NR3C1: variants seen among roughly 807,000 people sequenced by gnomAD.
The protein encoded by NR3C1 is glucocorticoid receptor.
NR3C1 carries 14 observed loss-of-function variants against 74.0 expected under a neutral mutation model. The ratio of observed to expected loss-of-function variants is 0.19; its 90% confidence interval spans 0.12 to 0.30. The LOEUF (loss-of-function observed/expected upper bound fraction) is 0.30, where lower values mean the gene tolerates loss of function less well. Among genes scored for constraint, NR3C1 ranks in the 10% least tolerant of loss-of-function variants. The probability of loss-of-function intolerance (pLI) is 1.00; values close to 1 mark genes in which losing one functional copy is unlikely to be tolerated. For missense variants in NR3C1, 695 were observed against 909.8 expected, an observed-to-expected ratio of 0.76 and a Z score of 3.04; for synonymous variants, 308 against 332.5, an observed-to-expected ratio of 0.93 and a Z score of 0.80.
At chr5:143,370,351 T>G (rs1834028317) in intron 2 of NR3C1, among the ~76,000 whole-genome samples, 1 of 152,206 alleles carries the variant, frequency 6.6e-6, no homozygotes, top group South Asian at 2.1e-4. Flanking sequence ...AACCTACTTT[T>G]TGTTTATTTA....
chr5:143,313,397 G>T (rs145067384), intron 3 of NR3C1, among the ~76,000 whole-genome samples: 1 of 152,072 alleles, frequency 6.6e-6, no homozygotes, highest in Non-Finnish European at 1.5e-5. Context: ...TCCTCAGGCC[G>T]AGTTTCTCTC....
intron 4 of NR3C1, among the ~76,000 whole-genome samples, chr5:143,305,633 TA>T (rs1426029837): frequency 6.6e-6 from 1 of 152,096 alleles, no homozygotes; most frequent in East Asian, 1.9e-4. Flanking sequence ...CTACATGAAC[TA>T]ATGCAGAAAA....
At chr5:143,330,006 C>T (rs1825638504) in intron 2 of NR3C1, among the ~76,000 whole-genome samples, 2 of 152,092 alleles carry the variant, frequency 1.3e-5, no homozygotes, top group Non-Finnish European at 2.9e-5. Context: ...TTCACAATAA[C>T]AGAGTGATGT....
chr5:143,399,554 C>T (rs1839849138), intron 2 of NR3C1, 102 bp downstream of exon 2: 2 of 940,600 alleles, frequency 2.1e-6, no homozygotes. Flanking sequence ...TATAAAAAAG[C>T]ACATGAATCT....
At chr5:143,302,766 T>G (rs1399369484) in intron 4 of NR3C1, among the ~76,000 whole-genome samples, 1 of 152,070 alleles carries the variant, frequency 6.6e-6, no homozygotes, top group East Asian at 1.9e-4. Flanking sequence ...TTTTTCAAAA[T>G]ATCTTCAGGA....
chr5:143,356,515 A>C (rs1831171309), intron 2 of NR3C1, among the ~76,000 whole-genome samples: 1 of 152,074 alleles, frequency 6.6e-6, no homozygotes, highest in Non-Finnish European at 1.5e-5. Flanking sequence ...AATATTTAAT[A>C]CTTTCTTTGG....
At chr5:143,345,942 T>C (rs908185654) in intron 2 of NR3C1, among the ~76,000 whole-genome samples, 10 of 152,328 alleles carry the variant, frequency 6.6e-5, no homozygotes, top group South Asian at 2.1e-4. Flanking sequence ...GTTGTTTTGC[T>C]TAAGGTCACA....
At chr5:143,311,564 AACTAGTATTC>A (rs1352148253) in intron 3 of NR3C1, among the ~76,000 whole-genome samples, 1 of 152,218 alleles carries the variant, frequency 6.6e-6, no homozygotes, top group Non-Finnish European at 1.5e-5. Flanking sequence ...GAGGAGTTTT[AACTAGTATTC>A]ACTATTTCAT....
At chr5:143,372,628 T>C (rs567045489) in intron 2 of NR3C1, among the ~76,000 whole-genome samples, 1 of 152,248 alleles carries the variant, frequency 6.6e-6, no homozygotes, top group East Asian at 1.9e-4. Flanking sequence ...TTTGCAAGGG[T>C]TCCCTGTGTT....
rs370563087 is a variant in NR3C1 at position 143,340,269 on chromosome 5, T to C, written c.1185-26101A>G. Among the ~76,000 whole-genome samples the C allele has an allele frequency of 1.3e-4, 20 of 152,208 alleles. 1 individual carries two copies. The East Asian group carries it at 3.3e-3, about 25-fold the overall frequency. On this transcript the variant is annotated intron_variant, in intron 2 of 8. Coordinates refer to ENST00000394464, the MANE Select transcript of NR3C1 (RefSeq NM_000176.3). ...TGTTCCTGGATTGGAAGACTCAATATAGACTCAATCCCCAAATTGAAGTCT... is the reference window on the plus strand; with the variant it reads ...TGTTCCTGGATTGGAAGACTCAATACAGACTCAATCCCCAAATTGAAGTCT...
chr5:143,306,234 T>TA (rs796846508), intron 4 of NR3C1, among the ~76,000 whole-genome samples: 5 of 152,252 alleles, frequency 3.3e-5, no homozygotes, highest in African/African-American at 1.2e-4. Context: ...AGTATAAAAA[T>TA]ACACCACTTG....
At chr5:143,422,708 A>G (rs1437210061) in intron 1 of NR3C1, among the ~76,000 whole-genome samples, 2 of 152,200 alleles carry the variant, frequency 1.3e-5, no homozygotes, top group African/African-American at 4.8e-5. Context: ...TGCCTTGATC[A>G]TGGACTTCCC....
intron 3 of NR3C1, among the ~76,000 whole-genome samples, chr5:143,311,330 G>A: frequency 6.6e-6 from 1 of 152,154 alleles, no homozygotes; most frequent in Non-Finnish European, 1.5e-5. Flanking sequence ...ATCACCCACT[G>A]CTAAAAATGA....
At chr5:143,326,291 GTCTTAAGGTAA>G (rs751355898) in intron 2 of NR3C1, among the ~76,000 whole-genome samples, 19 of 152,208 alleles carry the variant, frequency 1.2e-4, no homozygotes, top group Admixed American at 7.9e-4. Flanking sequence ...TTAACAGACA[GTCTTAAGGTAA>G]GGTTAAACAT....
At chr5:143,409,354 T>C (rs1841220243) in intron 1 of NR3C1, 1 of 152,250 alleles carries the variant, frequency 6.6e-6, no homozygotes, top group Non-Finnish European at 1.5e-5. Context: ...CTATAGTCCG[T>C]GATTCTTTGT....
At chr5:143,405,143 C>G (rs1025562667), upstream of NR3C1, 3 of 985,480 alleles carry the variant, frequency 3.0e-6, no homozygotes, top group Non-Finnish European at 3.6e-6. Context: ...GGGACCGAGC[C>G]TCCTACCTTG....
chr5:143,366,536 T>C (rs1171962920), intron 2 of NR3C1, among the ~76,000 whole-genome samples: 1 of 147,606 alleles, frequency 6.8e-6, no homozygotes, highest in Non-Finnish European at 1.5e-5. Flanking sequence ...GCTGTTCCCC[T>C]GAAAACGGAC....
In NR3C1 at chr5:143,280,181, A is replaced by AC. The variant is rs1358500786; in HGVS notation, c.*1707dup. On this transcript the variant is annotated 3_prime_UTR_variant, in exon 9 of 9. Coordinates refer to ENST00000394464, the MANE Select transcript of NR3C1 (RefSeq NM_000176.3). Reference sequence around the variant, plus strand: ...TAGGTTATCCATCAGCATTTCTTTGACCCCTACAAAAAATATATAACATGT... The same window carrying AC: ...TAGGTTATCCATCAGCATTTCTTTGACCCCCTACAAAAAATATATAACATGT... The AC allele has an allele frequency of 6.6e-6, 1 of 152,536 alleles. No homozygotes were observed. The highest frequency in any genetic ancestry group is 2.4e-5 in the African/African-American group (1 of 41,420). 9.4% of individuals were successfully genotyped at this position (152,536 alleles called of 1,614,324 possible). A position where few individuals can be genotyped will look rare whatever the true frequency, so the allele number is the denominator to read the frequency against.
upstream of NR3C1, among the ~76,000 whole-genome samples, chr5:143,407,575 A>G (rs1475019020): frequency 6.6e-6 from 1 of 152,220 alleles, no homozygotes; most frequent in East Asian, 1.9e-4. Flanking sequence ...CTGTATCACT[A>G]GTGCATAGTT....
Sources: allele counts gnomAD v4.1 joint callset (sites outside exome capture counted in the v4.1 genomes callset), GRCh38; gene constraint gnomAD v4.1.1; transcripts MANE v1.5; gene names NCBI Gene and HGNC (gene_info 2026-07-23, HGNC 2026-07-21).